Variants in ADAMTS13 observed in about 807,000 individuals in gnomAD.
ADAMTS13 encodes ADAM metallopeptidase with thrombospondin type 1 motif 13, also known as A disintegrin and metalloproteinase with thrombospondin motifs 13.
In ADAMTS13, 110 loss-of-function variants were observed where a neutral mutation model predicts 155.1. The observed-to-expected ratio is 0.71, with a 90% CI of 0.61 to 0.83. ADAMTS13 has a LOEUF of 0.83. Among genes scored for constraint, ADAMTS13 ranks in the 40% least tolerant of loss-of-function variants. The pLI is 0.00. For synonymous variants in ADAMTS13, 758 were observed against 756.4 expected (o/e 1.00, Z -0.03); for missense variants, 1,707 against 1,891.7 (o/e 0.90, Z 1.81).
intron 28 of ADAMTS13, among the ~76,000 whole-genome samples, chr9:133,458,530 TG>T (rs1554796873): frequency 2.7e-5 from 3 of 110,702 alleles, no homozygotes; most frequent in African/African-American, 1.0e-4. Context: ...CACTCCAGCC[TG>T]GGCAACAGAG....
chr9:133,442,777 GGA>G, intron 18 of ADAMTS13, 34 bp downstream of exon 18: 1 of 1,603,140 alleles, frequency 6.2e-7, no homozygotes, highest in Non-Finnish European at 8.5e-7. Context: ...GCTCCAAGGG[GGA>G]GAGAGGGTTC....
intron 23 of ADAMTS13, among the ~76,000 whole-genome samples, chr9:133,450,849 G>T (rs1350543964): frequency 2.0e-5 from 3 of 152,372 alleles, no homozygotes; most frequent in African/African-American, 7.2e-5. Flanking sequence ...TGTGCTAGTT[G>T]TGGGAGGTGA....
intron 2 of ADAMTS13, 57 bp downstream of exon 2, chr9:133,423,224 A>G (rs1287617970): frequency 2.0e-6 from 3 of 1,514,684 alleles, no homozygotes; most frequent in South Asian, 2.2e-5. Flanking sequence ...TTCAAGGGGT[A>G]TCTCACCACT....
intron 22 of ADAMTS13, 29 bp downstream of exon 22, chr9:133,448,757 G>A: frequency 6.3e-7 from 1 of 1,595,902 alleles, no homozygotes; most frequent in Non-Finnish European, 8.5e-7. Context: ...ACTGTGTGCT[G>A]GCCTTCTCCC....
At chr9:133,420,301 T>G (rs1490022746), upstream of ADAMTS13, among the ~76,000 whole-genome samples, 3 of 152,080 alleles carry the variant, frequency 2.0e-5, no homozygotes, top group Non-Finnish European at 4.4e-5. Context: ...GTGATCCACC[T>G]GCCTCGGCCT....
Position 133,425,382 on chromosome 9 carries a change from G to A in ADAMTS13, c.331-147G>A, listed in dbSNP as rs908230340. 7.7e-6 allele frequency: 5 copies of A among 653,098 alleles called. No individual in the cohort carries two copies. Among genetic ancestry groups the A allele is most frequent in the Admixed American group, 5.3e-5 (2 of 37,788 alleles). 40.5% of individuals were successfully genotyped at this position (653,098 alleles called of 1,614,324 possible). On this transcript the variant is annotated intron_variant, in intron 3 of 28. Coordinates refer to ENST00000355699, the MANE Select transcript of ADAMTS13 (RefSeq NM_139027.6). This position sits in a 1 kb window ranked among gnomAD's most constrained non-coding sequence, Gnocchi z 4.6. ...CGGCTGACTGTGCAGCACATTTTAGGAGCCCCCCGCCCCGCCCGGTTCCCA... is the reference window on the plus strand; with the variant it reads ...CGGCTGACTGTGCAGCACATTTTAGAAGCCCCCCGCCCCGCCCGGTTCCCA...
chr9:133,444,808 A>G, intron 19 of ADAMTS13, 55 bp from the exon 20 acceptor site: 1 of 1,587,828 alleles, frequency 6.3e-7, no homozygotes, highest in Non-Finnish European at 8.6e-7. Context: ...GCTGGGCTAT[A>G]CCTTCCCCTG....
chr9:133,430,925 G>T (rs1392943213), intron 8 of ADAMTS13, among the ~76,000 whole-genome samples: 1 of 152,054 alleles, frequency 6.6e-6, no homozygotes, highest in South Asian at 2.1e-4. Context: ...CTCACAAAGT[G>T]CTGGGATTAC....
In ADAMTS13 at chr9:133,432,586, A is replaced by G. The variant is rs1554787761; in HGVS notation, c.988-2A>G. ...TCGCCACCCACCTGTCCACCCTCCT[A>G]GGATATGTGCCAGGCCCTCTCCTGC... On this transcript the variant is annotated splice_acceptor_variant, in intron 8 of 28. Coordinates refer to ENST00000355699, the MANE Select transcript of ADAMTS13 (RefSeq NM_139027.6). LOFTEE classifies it high-confidence loss of function. 6 of 1,550,986 alleles carry G rather than the reference A, an allele frequency of 3.9e-6. No homozygotes were observed. The highest frequency in any genetic ancestry group is 5.2e-6 in the Non-Finnish European group (6 of 1,147,352).
At chr9:133,457,192 G>A (rs587594719) in intron 27 of ADAMTS13, 33 of 243,698 alleles carry the variant, frequency 1.4e-4, no homozygotes, top group Admixed American at 1.1e-3. Context: ...TGGCCCCCTC[G>A]ATATCCTCTG....
At chr9:133,443,225 C>T (rs2130879595) in intron 18 of ADAMTS13, 151 bp from the exon 19 acceptor site, 3 of 989,626 alleles carry the variant, frequency 3.0e-6, no homozygotes, top group East Asian at 5.2e-5. Flanking sequence ...GCTCAGCCGT[C>T]TGGCAGCCTG....
rs151206890 is a variant in ADAMTS13 at position 133,425,545 on chromosome 9, G to A, written c.347G>A (p.Arg116Gln). The A allele has an allele frequency of 2.4e-5, 38 of 1,613,434 alleles. No individual in the cohort carries two copies. Among genetic ancestry groups the A allele is most frequent in the Non-Finnish European group, 1.9e-5 (22 of 1,179,952 alleles). The change falls in exon 4 of 29, where the codon CGG becomes CAG. Residue 116 changes from arginine (R) to glutamine (Q), a missense_variant. Physicochemically the swap from Arg to Gln is conservative, Grantham distance 43. This residue lies in a region of ADAMTS13 where 733 missense variants were observed against 749.6 expected (regional missense o/e 0.98). Transcript: ENST00000355699. This position sits in a 1 kb window ranked among gnomAD's most constrained non-coding sequence, Gnocchi z 4.6. ...CTTGCACAGGGGGCAGAACTGCTTC[G>A]GGACCCGTCCCTGGGGGCTCAGTTT... is the stretch of plus-strand genomic sequence containing the variant. ...TNLNIGAELLRDPSLGAQFRV... is the reference protein window; with the variant it reads ...TNLNIGAELLQDPSLGAQFRV...
Position 133,445,719 on chromosome 9 carries a change from G to A in ADAMTS13, c.2631G>A (p.Gly877=), listed in dbSNP as rs782772606. The change falls in exon 21 of 29, where the codon GGG becomes GGA. Residue 877 remains glycine, a synonymous_variant. Coordinates refer to ENST00000355699, the MANE Select transcript of ADAMTS13 (RefSeq NM_139027.6). The surrounding 1 kb of genome is among the most constrained non-coding windows in gnomAD (Gnocchi z 5.0). ...GWGHLDATSA[G]EKAPSPWGSI... ...CACAGCTGGATGCCACCTCTGCAGG[G>A]GAGAAGGCTCCCTCCCCATGGGGCA... The A allele has an allele frequency of 2.5e-6, 4 of 1,612,802 alleles. No homozygotes were observed. The highest frequency in any genetic ancestry group is 3.4e-6 in the Non-Finnish European group (4 of 1,179,738).
At position 133,443,395 on chromosome 9, in the gene ADAMTS13, G is replaced by A. The variant is rs148734700; in HGVS notation, c.2254G>A (p.Gly752Ser). 186 of 1,598,188 alleles carry A rather than the reference G, an allele frequency of 1.2e-4. 1 individual carries two copies. In the African/African-American group the frequency reaches 2.3e-3, roughly 19 times the overall value. The change falls in exon 19 of 29, where the codon GGC (glycine) becomes AGC (serine). Residue 752 changes from glycine to serine, a missense_variant. This residue lies in a region of ADAMTS13 where 961 missense variants were observed against 1,107.9 expected (regional missense o/e 0.87). Coordinates refer to ENST00000355699, the MANE Select transcript of ADAMTS13 (RefSeq NM_139027.6). ...CPPYWAVGDF[G>S]PCSASCGGGL... ...CCTCAGCTGGGCGGTGGGAGACTTC[G>A]GCCCATGCAGCGCCTCCTGTGGGGG... is the stretch of plus-strand genomic sequence containing the variant.
In ADAMTS13 at chr9:133,428,722, G is replaced by C. The variant is rs886063632; in HGVS notation, c.775G>C (p.Gly259Arg). 7.4e-7 allele frequency: 1 copy of C among 1,353,842 alleles called. No individual in the cohort carries two copies. Among genetic ancestry groups the C allele is most frequent in the East Asian group, 3.3e-5 (1 of 30,316 alleles). The allele number at this position is 1,353,842 out of a possible 1,614,324, so 83.9% of individuals were successfully genotyped here. A position where few individuals can be genotyped will look rare whatever the true frequency, so the allele number is the denominator to read the frequency against. The stretch of plus-strand genomic sequence containing the variant: ...TTCGGACGGCGCCGCGCCCCGCGCC[G>C]GCCTCGCCTGGTCCCCCTGCAGCCG... ...MASDGAAPRA[G>R]LAWSPCSRRQ... The change falls in exon 7 of 29, where the codon GGC becomes CGC. Residue 259 changes from glycine (G) to arginine (R), a missense_variant. Gly to Arg is a moderately radical substitution (Grantham distance 125). Transcript: ENST00000355699.
Position 133,449,858 on chromosome 9 carries a change from G to A in ADAMTS13, c.2937G>A (p.Arg979=), listed in dbSNP as rs1564438130. 3 of 1,614,114 alleles carry A rather than the reference G, an allele frequency of 1.9e-6. No individual in the cohort carries two copies. The highest frequency in any genetic ancestry group is 1.3e-5 in the African/African-American group (1 of 75,048). ...TGCGGAGGATCCTGTATTGTGCCCGGGCCCATGGGGAGGACGATGGTGAGG... is the reference window on the plus strand; with the variant it reads ...TGCGGAGGATCCTGTATTGTGCCCGAGCCCATGGGGAGGACGATGGTGAGG... The part of the protein sequence containing the change: ...GVVRRILYCA[R]AHGEDDGEEI... Residue 979 remains arginine (R), a synonymous_variant, in exon 23 of 29, where the codon CGG becomes CGA. Coordinates refer to ENST00000355699, the MANE Select transcript of ADAMTS13 (RefSeq NM_139027.6).
intron 14 of ADAMTS13, among the ~76,000 whole-genome samples, chr9:133,438,771 G>C (rs138841709): frequency 0.016 from 2,406 of 152,134 alleles, 41 homozygotes; most frequent in Middle Eastern, 0.021. Context: ...AAAATTAGCT[G>C]GGCATGATGG....
Position 133,458,066 on chromosome 9 carries a change from C to T in ADAMTS13, c.3881C>T (p.Thr1294Ile), listed in dbSNP as rs1554796683. 2 of 1,613,404 alleles carry T rather than the reference C, an allele frequency of 1.2e-6. No homozygotes were observed. The highest frequency in any genetic ancestry group is 3.3e-5 in the Admixed American group (2 of 60,020). ...HALATNMGAG[T>I]EGANASYILI... ...CTGGCCACCAACATGGGCGCTGGGA[C>T]CGAGGGAGCCAATGCCAGCTACATC... The change falls in exon 28 of 29, where the codon ACC becomes ATC. Residue 1294 changes from threonine to isoleucine, a missense_variant. This residue lies in a region of ADAMTS13 where 961 missense variants were observed against 1,107.9 expected (regional missense o/e 0.87). Transcript: ENST00000355699.
At chr9:133,426,415 T>C (rs942340689) in intron 6 of ADAMTS13, 70 bp downstream of exon 6, 13 of 1,586,434 alleles carry the variant, frequency 8.2e-6, no homozygotes, top group Non-Finnish European at 1.0e-5. Context: ...GTGGAGGTGG[T>C]CTTGGCAAGC....
Sources: allele counts gnomAD v4.1 joint callset (sites outside exome capture counted in the v4.1 genomes callset), GRCh38; gene constraint gnomAD v4.1.1; regional missense constraint gnomAD v4.1.1; non-coding constraint Gnocchi (gnomAD v3.1); transcripts MANE v1.5; gene names NCBI Gene and HGNC (gene_info 2026-07-23, HGNC 2026-07-21).